Variants in CFAP47 observed in about 807,000 individuals in gnomAD.
CFAP47 encodes the protein cilia- and flagella-associated protein 47.
CFAP47 carries 29 observed loss-of-function variants against 148.1 expected under a neutral mutation model. That is an observed-to-expected ratio of 0.20 (90% CI 0.15 to 0.27). The LOEUF is 0.27. CFAP47 is among the 10% of genes least tolerant of loss of function. CFAP47 has a pLI of 1.00. For synonymous variants in CFAP47, 664 were observed against 577.3 expected (o/e 1.15, Z -2.15); for missense variants, 1,872 against 1,697.5 (o/e 1.10, Z -1.81).
rs142672407 is a variant in CFAP47 at position 36,030,979 on chromosome X, T to A, written c.3557-274T>A. ...CTGTTTACTTTTTTCTTAGCTCAAT[T>A]TCATCTTTTTTATTATCTCAAGGAT... On this transcript the variant is annotated intron_variant, in intron 22 of 63. Coordinates refer to ENST00000378653, the MANE Select transcript of CFAP47 (RefSeq NM_001304548.2). Among the ~76,000 whole-genome samples the A allele has an allele frequency of 5.3e-3, 586 of 110,687 alleles. 6 individuals carry two copies. Among genetic ancestry groups the A allele is most frequent in the African/African-American group, 0.018 (561 of 30,660 alleles).
chrX:36,098,921 A>G (rs1938326172), intron 31 of CFAP47, 47 bp downstream of exon 31: 1 of 684,207 alleles, frequency 1.5e-6, no homozygotes, highest in Non-Finnish European at 2.2e-6. Context: ...TTATTATTGT[A>G]TGTACTGGTA....
intron 45 of CFAP47, among the ~76,000 whole-genome samples, chrX:36,226,706 C>A (rs1160589225): frequency 9.0e-6 from 1 of 111,257 alleles, no homozygotes; most frequent in African/African-American, 3.3e-5. Flanking sequence ...GGAAAATGTA[C>A]ACTTAAGAAT....
intron 48 of CFAP47, among the ~76,000 whole-genome samples, chrX:36,242,735 A>G (rs1351681615): frequency 8.9e-6 from 1 of 112,172 alleles, no homozygotes; most frequent in African/African-American, 3.2e-5. Context: ...GAGAGAAAGT[A>G]AGCAACATGG....
At chrX:36,320,986 A>G (rs782382586) in intron 57 of CFAP47, among the ~76,000 whole-genome samples, 7 of 112,007 alleles carry the variant, frequency 6.2e-5, no homozygotes, top group South Asian at 3.7e-4. Flanking sequence ...TCAGAAAACT[A>G]AAACTACACC....
chrX:35,993,338 G>T lies in CFAP47; in HGVS notation c.3099+17G>T, dbSNP rs923748420. On this transcript the variant is annotated intron_variant, in intron 18 of 63. Transcript: ENST00000378653. ...AGAGCAAAGGTATGTCCATACATAT[G>T]AGTTTTTGCACCTTACATATGTCTA... 3.4e-6 allele frequency: 1 copy of T among 290,117 alleles called. No individual in the cohort carries two copies. Among genetic ancestry groups the T allele is most frequent in the Non-Finnish European group, 6.0e-6 (1 of 166,466 alleles). The allele number at this position is 290,117 out of a possible 1,213,427, so 23.9% of individuals were successfully genotyped here.
At chrX:36,141,601 C>A (rs1278742067) in intron 35 of CFAP47, among the ~76,000 whole-genome samples, 1 of 111,300 alleles carries the variant, frequency 9.0e-6, no homozygotes, top group Non-Finnish European at 1.9e-5. Context: ...CAAATTGACA[C>A]CTAAAATTAA....
intron 57 of CFAP47, among the ~76,000 whole-genome samples, chrX:36,344,529 G>C (rs1556016289): frequency 9.0e-6 from 1 of 111,318 alleles, no homozygotes; most frequent in African/African-American, 3.3e-5. Flanking sequence ...AACCACAAAT[G>C]GGGTACTAGA....
intron 40 of CFAP47, among the ~76,000 whole-genome samples, chrX:36,180,676 T>A (rs1054277817): frequency 2.7e-5 from 3 of 112,401 alleles, no homozygotes; most frequent in African/African-American, 9.7e-5. Flanking sequence ...TTGCATCTAT[T>A]ATGAGATGTT....
chrX:36,013,817 T>C (rs181606332), intron 21 of CFAP47, among the ~76,000 whole-genome samples: 1 of 112,189 alleles, frequency 8.9e-6, no homozygotes, highest in African/African-American at 3.2e-5. Context: ...TCCACATTAT[T>C]GTATGCAACA....
chrX:35,924,491 A>G (rs200771164), intron 1 of CFAP47, among the ~76,000 whole-genome samples: 7 of 103,994 alleles, frequency 6.7e-5, no homozygotes, highest in Admixed American at 2.0e-4. Flanking sequence ...ATGTGCACCT[A>G]TATGTGTATA....
chrX:35,990,409 C>G (rs1398610700), intron 16 of CFAP47, among the ~76,000 whole-genome samples: 1 of 110,918 alleles, frequency 9.0e-6, no homozygotes, highest in African/African-American at 3.3e-5. Context: ...GTGGATGATA[C>G]CAACATTTCC....
At chrX:35,933,882 T>C (rs1935869443) in intron 2 of CFAP47, among the ~76,000 whole-genome samples, 1 of 112,289 alleles carries the variant, frequency 8.9e-6, no homozygotes, top group South Asian at 3.7e-4. Flanking sequence ...TTTTGAGAAA[T>C]GTCTATTCAA....
At chrX:36,180,657 T>C (rs1939739731) in intron 40 of CFAP47, among the ~76,000 whole-genome samples, 1 of 112,237 alleles carries the variant, frequency 8.9e-6, no homozygotes, top group Admixed American at 9.5e-5. Flanking sequence ...TTTTGGGAGA[T>C]TATATGAGTT....
chrX:36,383,067 A>G (rs1942092865), intron 63 of CFAP47, among the ~76,000 whole-genome samples: 1 of 111,349 alleles, frequency 9.0e-6, no homozygotes, highest in Non-Finnish European at 1.9e-5. Flanking sequence ...AAGGCTATTA[A>G]TGTTGTATAG....
intron 57 of CFAP47, among the ~76,000 whole-genome samples, chrX:36,323,398 T>C (rs1295545351): frequency 9.1e-6 from 1 of 110,172 alleles, no homozygotes; most frequent in South Asian, 3.8e-4. Context: ...GGAAGTGATA[T>C]GTATTTCAAA....
Position 35,953,701 on chromosome X carries a change from G to A in CFAP47, c.1156G>A (p.Asp386Asn). 1 of 1,197,606 alleles carries A rather than the reference G, an allele frequency of 8.3e-7. No homozygotes were observed. The change falls in exon 7 of 64, where the codon GAC becomes AAC. Residue 386 changes from aspartate (D) to asparagine (N), a missense_variant. Transcript: ENST00000378653. ...GSKDGFLRDD[D>N]YKTIKSERFQ... ...TAAAGATGGATTTTTGAGAGATGATGACTATAAAACCATCAAAAGTAAGTG... is the reference window on the plus strand; with the variant it reads ...TAAAGATGGATTTTTGAGAGATGATAACTATAAAACCATCAAAAGTAAGTG...
At chrX:35,920,445 G>A (rs1381814269) in intron 1 of CFAP47, among the ~76,000 whole-genome samples, 1 of 111,674 alleles carries the variant, frequency 9.0e-6, no homozygotes, top group African/African-American at 3.3e-5. Context: ...GGAACTGTAG[G>A]ATTAGTGGAA....
At chrX:36,331,497 A>G (rs1941565249) in intron 57 of CFAP47, among the ~76,000 whole-genome samples, 1 of 111,159 alleles carries the variant, frequency 9.0e-6, no homozygotes, top group South Asian at 3.8e-4. Context: ...TTTCTTCTTC[A>G]CATGGATATC....
chrX:36,366,865 C>T, intron 61 of CFAP47, 101 bp from the exon 62 acceptor site: 3 of 427,655 alleles, frequency 7.0e-6, no homozygotes, highest in Non-Finnish European at 1.1e-5. Context: ...TCACTGAAAC[C>T]ACAGAGTTTA....
Sources: gnomAD v4.1 joint callset for allele counts (sites outside exome capture counted in the v4.1 genomes callset) on GRCh38, gnomAD v4.1.1 for gene constraint, MANE v1.5 for transcripts, NCBI Gene and HGNC (gene_info 2026-07-23, HGNC 2026-07-21) for gene names.